The following PID1 variants were observed in gnomAD, a reference collection of about 807,000 sequenced individuals.
The protein encoded by PID1 is PTB-containing, cubilin and LRP1-interacting protein.
A neutral mutation model predicts 19.1 loss-of-function variants in PID1; 10 were observed. The ratio of observed to expected loss-of-function variants is 0.52; its 90% confidence interval spans 0.32 to 0.89. The LOEUF (loss-of-function observed/expected upper bound fraction) is 0.89, where lower values mean the gene tolerates loss of function less well. Among genes scored for constraint, PID1 ranks in the 40% least tolerant of loss-of-function variants. The pLI, the probability that PID1 is intolerant of heterozygous loss-of-function variation, is 0.03. For synonymous variants in PID1, 130 were observed against 116.0 expected (o/e 1.12, Z -0.78); for missense variants, 248 against 285.3 (o/e 0.87, Z 0.94).
At chr2:229,126,736 A>G (rs1695630117) in intron 2 of PID1, among the ~76,000 whole-genome samples, 1 of 152,234 alleles carries the variant, frequency 6.6e-6, no homozygotes, top group Non-Finnish European at 1.5e-5. Context: ...AATTTGATCA[A>G]AGTGAATTTC....
intron 2 of PID1, among the ~76,000 whole-genome samples, chr2:229,088,541 C>A (rs570956642): frequency 1.3e-5 from 2 of 152,198 alleles, no homozygotes; most frequent in Admixed American, 1.3e-4. Context: ...AGAAACCAGA[C>A]CTCTTCACAA....
chr2:229,235,902 A>T (rs2106271473), intron 1 of PID1, among the ~76,000 whole-genome samples: 1 of 152,338 alleles, frequency 6.6e-6, no homozygotes, highest in South Asian at 2.1e-4. Context: ...AAAAAGACCT[A>T]TGGCCAGCTG....
chr2:229,231,801 CATTTTACCAA>C, intron 1 of PID1: 1 of 1,446,248 alleles, frequency 6.9e-7, no homozygotes, highest in Non-Finnish European at 9.3e-7. Context: ...TGTGTGATGG[CATTTTACCAA>C]ACCTACTTCC....
Position 229,203,131 on chromosome 2 carries a change from C to T in PID1, c.31-47167G>A, listed in dbSNP as rs556162539. 4.6e-5 allele frequency among the ~76,000 whole-genome samples: 7 copies of T among 152,136 alleles called. No individual in the cohort carries two copies. The South Asian group carries it at 6.2e-4, about 14-fold the overall frequency. On this transcript the variant is annotated intron_variant, in intron 1 of 2. Transcript: ENST00000392055. ...AAAGACATCTCCACTTTTTACAAAA[C>T]GCCTGGTGATTCTAGTGAATACCAG...
chr2:229,231,525 A>G (rs1325227228), intron 1 of PID1, among the ~76,000 whole-genome samples: 1 of 152,080 alleles, frequency 6.6e-6, no homozygotes, highest in Admixed American at 6.5e-5. Context: ...TAATCCTTCA[A>G]GGCAAGTACT....
intron 1 of PID1, among the ~76,000 whole-genome samples, chr2:229,167,776 G>A (rs1181750506): frequency 6.6e-6 from 1 of 151,894 alleles, no homozygotes; most frequent in African/African-American, 2.4e-5. Flanking sequence ...TAATCATTTG[G>A]GGACGCTTGA....
chr2:229,237,030 T>G (rs1030803339), intron 1 of PID1, among the ~76,000 whole-genome samples: 11 of 149,232 alleles, frequency 7.4e-5, no homozygotes, highest in African/African-American at 2.5e-4. Flanking sequence ...ACACACTGAC[T>G]TCTAATATAG....
intron 1 of PID1, among the ~76,000 whole-genome samples, chr2:229,253,027 T>C (rs1160079822): frequency 3.9e-5 from 6 of 152,218 alleles, no homozygotes; most frequent in African/African-American, 1.4e-4. Context: ...TGGGGAACTA[T>C]ATTCTCTACC....
At chr2:229,190,164 G>A (rs1574707473) in intron 1 of PID1, among the ~76,000 whole-genome samples, 1 of 152,074 alleles carries the variant, frequency 6.6e-6, no homozygotes, top group South Asian at 2.1e-4. Context: ...CCCCTCTACG[G>A]CAACGGCATA....
chr2:229,129,946 A>G (rs1458260526), intron 2 of PID1, among the ~76,000 whole-genome samples: 1 of 152,166 alleles, frequency 6.6e-6, no homozygotes, highest in East Asian at 1.9e-4. Context: ...CGCTCACACA[A>G]ATTATAGCAA....
intron 1 of PID1, among the ~76,000 whole-genome samples, chr2:229,248,437 G>C (rs1396316981): frequency 6.6e-6 from 1 of 152,198 alleles, no homozygotes; most frequent in Non-Finnish European, 1.5e-5. Context: ...CTTTGTCTAA[G>C]TTAATTTCTT....
chr2:229,170,025 G>A (rs577503801), intron 1 of PID1, among the ~76,000 whole-genome samples: 3 of 152,052 alleles, frequency 2.0e-5, no homozygotes, highest in African/African-American at 4.8e-5. Flanking sequence ...GATCACTTCC[G>A]AACCCCTGTC....
intron 1 of PID1, among the ~76,000 whole-genome samples, chr2:229,253,518 C>T (rs138622719): frequency 7.1e-4 from 105 of 148,488 alleles, no homozygotes; most frequent in African/African-American, 2.1e-3. Context: ...GCCAGTACTA[C>T]GGTAAAATGA....
At chr2:229,111,724 A>G (rs1401612595) in intron 2 of PID1, among the ~76,000 whole-genome samples, 1 of 152,240 alleles carries the variant, frequency 6.6e-6, no homozygotes, top group Non-Finnish European at 1.5e-5. Context: ...GACTTATTTT[A>G]AATACTTTTA....
At chr2:229,179,578 G>A (rs1322816338) in intron 1 of PID1, among the ~76,000 whole-genome samples, 1 of 152,116 alleles carries the variant, frequency 6.6e-6, no homozygotes, top group African/African-American at 2.4e-5. Flanking sequence ...CGTCCATTTA[G>A]TAAGACTGAA....
intron 1 of PID1, among the ~76,000 whole-genome samples, chr2:229,156,307 T>C (rs1451954661): frequency 6.6e-6 from 1 of 152,226 alleles, no homozygotes; most frequent in Middle Eastern, 3.2e-3. Context: ...CATAAGATGT[T>C]TGGAAGAGGA....
intron 1 of PID1, among the ~76,000 whole-genome samples, chr2:229,254,301 A>AGAT (rs1406225829): frequency 6.6e-6 from 1 of 152,242 alleles, no homozygotes; most frequent in Non-Finnish European, 1.5e-5. Context: ...AACAAAACAC[A>AGAT]GATGTCCACT....
intron 1 of PID1, among the ~76,000 whole-genome samples, chr2:229,257,809 A>C (rs941256413): frequency 6.6e-6 from 1 of 152,186 alleles, no homozygotes; most frequent in Non-Finnish European, 1.5e-5. Context: ...GCCACTAGTG[A>C]AGTTATTCCA....
At chr2:229,217,929 A>G (rs890313962) in intron 1 of PID1, among the ~76,000 whole-genome samples, 2 of 152,146 alleles carry the variant, frequency 1.3e-5, no homozygotes, top group Non-Finnish European at 2.9e-5. Context: ...GCCTTTCACT[A>G]TACTGTGCTC....
Sources: allele counts gnomAD v4.1 joint callset (sites outside exome capture counted in the v4.1 genomes callset), GRCh38; gene constraint gnomAD v4.1.1; transcripts MANE v1.5; gene names NCBI Gene and HGNC (gene_info 2026-07-23, HGNC 2026-07-21).